The following ANKS1B variants were observed in gnomAD, a reference collection of about 807,000 sequenced individuals.
ANKS1B encodes the protein ankyrin repeat and sterile alpha motif domain-containing protein 1B.
Under a neutral mutation model 148.3 loss-of-function variants are expected in ANKS1B, and 36 were observed. That is an observed-to-expected ratio of 0.24 (90% confidence interval 0.19 to 0.32). The LOEUF (loss-of-function observed/expected upper bound fraction) is 0.32. ANKS1B is among the 10% of genes least tolerant of loss of function. ANKS1B has a pLI of 1.00. For missense variants in ANKS1B, 1,157 were observed against 1,542.6 expected, an observed-to-expected ratio of 0.75 and a Z score of 4.19; for synonymous variants, 542 against 560.8, an observed-to-expected ratio of 0.97 and a Z score of 0.47.
chr12:99,689,646 A>G (rs886189234), intron 8 of ANKS1B, among the ~76,000 whole-genome samples: 1 of 152,192 alleles, frequency 6.6e-6, no homozygotes, highest in Non-Finnish European at 1.5e-5. Flanking sequence ...TGCTCACCTG[A>G]GGTCAGAAAA....
intron 17 of ANKS1B, among the ~76,000 whole-genome samples, chr12:98,980,431 C>A (rs941979093): frequency 6.6e-6 from 1 of 152,240 alleles, no homozygotes; most frequent in Non-Finnish European, 1.5e-5. Flanking sequence ...TGGTCTAGAT[C>A]TCCTGACCTC....
intron 17 of ANKS1B, among the ~76,000 whole-genome samples, chr12:98,905,444 G>A (rs187814759): frequency 8.6e-4 from 131 of 152,266 alleles, no homozygotes; most frequent in African/African-American, 3.0e-3. Context: ...TTTCTGATGA[G>A]GGTAGGGCGG....
chr12:98,852,243 A>T (rs993969140), intron 17 of ANKS1B, among the ~76,000 whole-genome samples: 1 of 152,124 alleles, frequency 6.6e-6, no homozygotes, highest in Admixed American at 6.6e-5. Flanking sequence ...GGCTACTTGC[A>T]GTGGGTGCTC....
intron 17 of ANKS1B, among the ~76,000 whole-genome samples, chr12:98,913,470 G>A (rs776619570): frequency 1.4e-4 from 21 of 152,098 alleles, no homozygotes; most frequent in Non-Finnish European, 2.9e-4. Context: ...CTTCTCTTCT[G>A]GATCTACTCT....
intron 9 of ANKS1B, among the ~76,000 whole-genome samples, chr12:99,573,442 A>G (rs2153223892): frequency 6.6e-6 from 1 of 152,178 alleles, no homozygotes; most frequent in Non-Finnish European, 1.5e-5. Context: ...CAAAAAATGA[A>G]TGTTTTATCT....
At chr12:99,410,249 T>C (rs188621165) in intron 11 of ANKS1B, among the ~76,000 whole-genome samples, 31 of 152,226 alleles carry the variant, frequency 2.0e-4, no homozygotes, top group Non-Finnish European at 3.5e-4. Flanking sequence ...GTATTGTCTA[T>C]GGCTGTTTTC....
At chr12:99,444,675 G>C (rs987477316) in intron 10 of ANKS1B, among the ~76,000 whole-genome samples, 1 of 151,812 alleles carries the variant, frequency 6.6e-6, no homozygotes, top group African/African-American at 2.4e-5. Context: ...AACTTCAATA[G>C]CTTTTTATGA....
chr12:98,997,947 A>G (rs900461520), intron 17 of ANKS1B, among the ~76,000 whole-genome samples: 1 of 152,220 alleles, frequency 6.6e-6, no homozygotes, highest in African/African-American at 2.4e-5. Context: ...CTCTTAGAAT[A>G]AAAACCAGCA....
intron 12 of ANKS1B, among the ~76,000 whole-genome samples, chr12:99,297,275 GCTTA>G (rs1389497356): frequency 6.6e-6 from 1 of 152,130 alleles, no homozygotes; most frequent in Admixed American, 6.6e-5. Context: ...GTCCTTGATT[GCTTA>G]AAGTAGCAAA....
chr12:99,050,122 T>C lies in ANKS1B; in HGVS notation c.2778+3035A>G, dbSNP rs570180231. On this transcript the variant is annotated intron_variant, in intron 17 of 26. Transcript: ENST00000683438. ...AACAACAAACTATGCATTCTTAGTA[T>C]AGGATTATTCAGCCCATATATTATA... Among the ~76,000 whole-genome samples the C allele has an allele frequency of 1.2e-3, 183 of 152,324 alleles. 1 individual carries two copies. Among genetic ancestry groups the C allele is most frequent in the African/African-American group, 4.3e-3 (178 of 41,558 alleles).
chr12:99,857,011 A>G (rs1299869972), intron 1 of ANKS1B, among the ~76,000 whole-genome samples: 2 of 152,192 alleles, frequency 1.3e-5, no homozygotes, highest in East Asian at 1.9e-4. Flanking sequence ...TCTATTCAAC[A>G]TAGTATTGGA....
At chr12:98,925,316 A>G (rs2099806625) in intron 17 of ANKS1B, among the ~76,000 whole-genome samples, 1 of 152,176 alleles carries the variant, frequency 6.6e-6, no homozygotes. Flanking sequence ...AGAATGAAAA[A>G]TCTATACTCC....
At chr12:99,268,770 G>T (rs1047032569) in intron 12 of ANKS1B, among the ~76,000 whole-genome samples, 1 of 152,138 alleles carries the variant, frequency 6.6e-6, no homozygotes, top group Non-Finnish European at 1.5e-5. Context: ...GAAAAATTTG[G>T]AAGCACAAAC....
At position 99,648,353 on chromosome 12, in the gene ANKS1B, T is replaced by C. The variant is rs201447865; in HGVS notation, c.1272+6714A>G. ...CAGATCAGCAAAAGAGGAGAAGTGA[T>C]TGACGTGCACAACCGTGCCCGAATG... is the stretch of plus-strand genomic sequence containing the variant. On this transcript the variant is annotated intron_variant, in intron 9 of 26. Coordinates refer to ENST00000683438, the MANE Select transcript of ANKS1B (RefSeq NM_001352186.2). 130 of 1,614,022 alleles carry C rather than the reference T, an allele frequency of 8.1e-5. No individual in the cohort carries two copies. The highest frequency in any genetic ancestry group is 9.7e-5 in the Non-Finnish European group (114 of 1,180,030).
At chr12:99,375,474 T>C (rs1198984684) in intron 12 of ANKS1B, among the ~76,000 whole-genome samples, 9 of 152,196 alleles carry the variant, frequency 5.9e-5, no homozygotes, top group African/African-American at 2.2e-4. Context: ...TCCTGGGAAT[T>C]CTTGAAGAGA....
chr12:98,887,119 T>G (rs73139174), intron 17 of ANKS1B, among the ~76,000 whole-genome samples: 57 of 152,280 alleles, frequency 3.7e-4, no homozygotes, highest in Non-Finnish European at 6.3e-4. Flanking sequence ...GAATAGAAAG[T>G]AAATATTATA....
intron 12 of ANKS1B, among the ~76,000 whole-genome samples, chr12:99,357,550 C>A (rs981296388): frequency 7.9e-5 from 12 of 152,082 alleles, no homozygotes; most frequent in African/African-American, 2.9e-4. Context: ...GCACCTAGAA[C>A]GCTGCCTGAG....
intron 17 of ANKS1B, among the ~76,000 whole-genome samples, chr12:99,002,030 T>C (rs61646310): frequency 0.039 from 5,911 of 152,306 alleles, 329 homozygotes; most frequent in African/African-American, 0.12. Context: ...TGCATACATA[T>C]TGTCTTTATC....
chr12:99,525,364 C>G (rs897863432), intron 9 of ANKS1B, among the ~76,000 whole-genome samples: 4 of 152,038 alleles, frequency 2.6e-5, no homozygotes, highest in African/African-American at 7.3e-5. Flanking sequence ...TAGTTCTTGA[C>G]AAGTAAGCCT....
Sources: allele counts gnomAD v4.1 joint callset (sites outside exome capture counted in the v4.1 genomes callset), GRCh38; gene constraint gnomAD v4.1.1; transcripts MANE v1.5; gene names NCBI Gene and HGNC (gene_info 2026-07-23, HGNC 2026-07-21).